IQCE: variants seen among roughly 807,000 people sequenced by gnomAD.
IQCE encodes IQ domain-containing protein E.
Under a neutral mutation model 96.0 loss-of-function variants are expected in IQCE, and 115 were observed. The ratio of observed to expected loss-of-function variants is 1.20; its 90% CI spans 1.03 to 1.40. IQCE has a LOEUF of 1.40. Among genes scored for constraint, IQCE ranks in the 40% most tolerant of loss-of-function variants. IQCE has a pLI of 0.00. For synonymous variants in IQCE, 412 were observed against 371.2 expected, an observed-to-expected ratio of 1.11 and a Z score of -1.26; for missense variants, 1,041 against 909.1, an observed-to-expected ratio of 1.15 and a Z score of -1.87.
At chr7:2,598,305 TG>T in intron 16 of IQCE, 159 bp from the exon 17 acceptor site, 1 of 623,150 alleles carries the variant, frequency 1.6e-6, no homozygotes, top group Non-Finnish European at 2.7e-6. Flanking sequence ...CGCTGTCATG[TG>T]GTCTGCAGAC....
chr7:2,587,831 A>C lies in IQCE; in HGVS notation c.998A>C (p.Glu333Ala). 6.2e-7 allele frequency: 1 copy of C among 1,614,034 alleles called. No individual in the cohort carries two copies. Among genetic ancestry groups the C allele is most frequent in the Non-Finnish European group, 8.5e-7 (1 of 1,179,956 alleles). ...GCATTGCTTCCATCAGGTTATGTGG[A>C]GTGGAGCAAGCCCCGGCTGCTGAGG... is the stretch of plus-strand genomic sequence containing the variant. ...PTISKTQGYVEWSKPRLLRRI... is the reference protein window; with the variant it reads ...PTISKTQGYVAWSKPRLLRRI... The change falls in exon 13 of 22, where the codon GAG becomes GCG. Residue 333 changes from glutamate (E) to alanine (A), a missense_variant. Glu to Ala is a moderately radical substitution (Grantham distance 107). Coordinates refer to ENST00000402050, the MANE Select transcript of IQCE (RefSeq NM_152558.5).
In IQCE at chr7:2,572,207, C is replaced by T; in HGVS notation, c.275C>T (p.Ala92Val). The change falls in exon 5 of 22, where the codon GCC becomes GTC. Residue 92 changes from alanine (A) to valine (V), a missense_variant. Transcript: ENST00000402050. ...GTAKPGSLTQ[A>V]LNSPLTWEHA... ...TTCAAACCAGGAAGTCTGACCCAGGCCCTGAACTCACCCCTCACCTGGGAG... is the reference window on the plus strand; with the variant it reads ...TTCAAACCAGGAAGTCTGACCCAGGTCCTGAACTCACCCCTCACCTGGGAG... 2.5e-6 allele frequency: 4 copies of T among 1,614,060 alleles called. No homozygotes were observed. In the South Asian group the frequency reaches 4.4e-5, roughly 18 times the overall value.
chr7:2,562,246 G>A (rs1305009611), intron 1 of IQCE, among the ~76,000 whole-genome samples: 1 of 151,184 alleles, frequency 6.6e-6, no homozygotes, highest in Non-Finnish European at 1.5e-5. Context: ...GTGTGTGTGT[G>A]TGTGTGCACA....
intron 1 of IQCE, among the ~76,000 whole-genome samples, chr7:2,561,273 A>C (rs1780933585): frequency 6.6e-6 from 1 of 151,302 alleles, no homozygotes; most frequent in South Asian, 2.1e-4. Context: ...TAGATCTTTG[A>C]TTTCTTTCAG....
intron 1 of IQCE, among the ~76,000 whole-genome samples, chr7:2,564,597 CAA>C (rs1028695789): frequency 1.4e-5 from 2 of 140,830 alleles, no homozygotes; most frequent in Non-Finnish European, 1.6e-5. Flanking sequence ...GATTCTGTCT[CAA>C]AAAAAAAAAA....
At chr7:2,573,282 G>A (rs1781888904) in intron 5 of IQCE, 136 bp from the exon 6 acceptor site, 1 of 595,124 alleles carries the variant, frequency 1.7e-6, no homozygotes, top group South Asian at 1.9e-5. Flanking sequence ...GGAAAACATG[G>A]AATTATTTTG....
intron 3 of IQCE, chr7:2,571,300 T>C: frequency 2.0e-6 from 1 of 499,206 alleles, no homozygotes; most frequent in Non-Finnish European, 3.6e-6. Context: ...ATTATAGGCA[T>C]GAGCCACCAT....
At chr7:2,606,297 A>G (rs1784821870) in intron 20 of IQCE, among the ~76,000 whole-genome samples, 2 of 152,106 alleles carry the variant, frequency 1.3e-5, no homozygotes, top group Non-Finnish European at 2.9e-5. Context: ...AGCTCAGGTC[A>G]CCATCAGTCT....
At chr7:2,561,571 C>A (rs1188570754) in intron 1 of IQCE, among the ~76,000 whole-genome samples, 1 of 152,028 alleles carries the variant, frequency 6.6e-6, no homozygotes, top group Non-Finnish European at 1.5e-5. Context: ...CAGGCGCCCG[C>A]CACCATGCCC....
intron 17 of IQCE, among the ~76,000 whole-genome samples, chr7:2,601,138 A>G (rs1022803904): frequency 1.3e-5 from 2 of 152,196 alleles, no homozygotes; most frequent in African/African-American, 4.8e-5. Flanking sequence ...AGCTTGGCCT[A>G]ATGGAGTCCC....
At chr7:2,601,497 G>A (rs562565562) in intron 18 of IQCE, 33 bp downstream of exon 18, 51 of 1,531,388 alleles carry the variant, frequency 3.3e-5, no homozygotes, top group Non-Finnish European at 4.5e-5. Flanking sequence ...TTCAAAATTC[G>A]GATTTGTATT....
At chr7:2,608,418 A>G (rs142193229) in intron 21 of IQCE, among the ~76,000 whole-genome samples, 16 of 152,388 alleles carry the variant, frequency 1.0e-4, no homozygotes, top group African/African-American at 2.9e-4. Flanking sequence ...TGACCTGGAA[A>G]TACCACGTAT....
At chr7:2,580,631 A>G (rs1448758353) in intron 8 of IQCE, among the ~76,000 whole-genome samples, 1 of 152,178 alleles carries the variant, frequency 6.6e-6, no homozygotes, top group Non-Finnish European at 1.5e-5. Context: ...AAAAGTGTCT[A>G]TCAATAGAGG....
In IQCE at chr7:2,611,468, G is replaced by C. The variant is rs561652135; in HGVS notation, c.*1306G>C. 77 of 152,406 alleles carry C rather than the reference G, an allele frequency of 5.1e-4. No homozygotes were observed. Among genetic ancestry groups the C allele is most frequent in the African/African-American group, 1.8e-3 (73 of 41,598 alleles). 9.4% of individuals were successfully genotyped at this position (152,406 alleles called of 1,614,324 possible). On this transcript the variant is annotated 3_prime_UTR_variant, in exon 22 of 22. Transcript: ENST00000402050. ...CCCAAGGCTTCCGTCCACGGGGACA[G>C]GCTTAACCCCTGGGCGCCTTTTCTG...
chr7:2,568,943 C>CT lies in IQCE; in HGVS notation c.85-8dup. On this transcript the variant is annotated splice_polypyrimidine_tract_variant and intron_variant, in intron 2 of 21. Coordinates refer to ENST00000402050, the MANE Select transcript of IQCE (RefSeq NM_152558.5). ...CTCAGCAAGCCTTATGCCATTTCTTCTTTCTTTCAGAAAGCAAAAAGGAAA... is the reference window on the plus strand; with the variant it reads ...CTCAGCAAGCCTTATGCCATTTCTTCTTTTCTTTCAGAAAGCAAAAAGGAAA... 2 of 1,611,798 alleles carry CT rather than the reference C, an allele frequency of 1.2e-6. No homozygotes were observed. Among genetic ancestry groups the CT allele is most frequent in the Non-Finnish European group, 1.7e-6 (2 of 1,179,820 alleles).
Position 2,589,903 on chromosome 7 carries a change from C to T in IQCE, c.1045-4C>T. The T allele has an allele frequency of 1.2e-6, 2 of 1,613,538 alleles. No individual in the cohort carries two copies. The highest frequency in any genetic ancestry group is 1.1e-5 in the South Asian group (1 of 91,078). ...TATCTAACACATGTCTGTGTTGCCT[C>T]CAGAAACTAAGTGTGATGGAGAGCT... is the stretch of plus-strand genomic sequence containing the variant. On this transcript the variant is annotated splice_region_variant and splice_polypyrimidine_tract_variant and intron_variant, in intron 13 of 21. Transcript: ENST00000402050.
chr7:2,569,744 T>C lies in IQCE; in HGVS notation c.130+745T>C, dbSNP rs562586732. Among the ~76,000 whole-genome samples the C allele has an allele frequency of 2.0e-5, 3 of 152,320 alleles. No individual in the cohort carries two copies. The East Asian group carries it at 5.8e-4, about 29-fold the overall frequency. Reference sequence around the variant, plus strand: ...TCTGTAGATGTGTGTCTATTTTATATACGCGTATCATATATTTCAAAGGTT... The same window carrying C: ...TCTGTAGATGTGTGTCTATTTTATACACGCGTATCATATATTTCAAAGGTT... On this transcript the variant is annotated intron_variant, in intron 3 of 21. Coordinates refer to ENST00000402050, the MANE Select transcript of IQCE (RefSeq NM_152558.5).
At chr7:2,589,453 A>G (rs1420184204) in intron 13 of IQCE, among the ~76,000 whole-genome samples, 4 of 152,206 alleles carry the variant, frequency 2.6e-5, no homozygotes, top group African/African-American at 4.8e-5. Context: ...TCGGAAGCAC[A>G]GTGGGCAGCA....
intron 8 of IQCE, among the ~76,000 whole-genome samples, chr7:2,580,627 G>T (rs1041685531): frequency 6.6e-6 from 1 of 152,060 alleles, no homozygotes; most frequent in Non-Finnish European, 1.5e-5. Context: ...AAAAAAAAGT[G>T]TCTATCAATA....
Sources: gnomAD v4.1 joint callset for allele counts (sites outside exome capture counted in the v4.1 genomes callset) on GRCh38, gnomAD v4.1.1 for gene constraint, MANE v1.5 for transcripts, NCBI Gene and HGNC (gene_info 2026-07-23, HGNC 2026-07-21) for gene names.